Variants in FAF1 observed in about 807,000 individuals in gnomAD.
FAF1 encodes the protein Fas associated factor 1, also known as FAS-associated factor 1.
Under a neutral mutation model 92.5 loss-of-function variants are expected in FAF1, and 25 were observed. That is an observed-to-expected ratio of 0.27 (90% CI 0.20 to 0.38). The LOEUF (loss-of-function observed/expected upper bound fraction) is 0.38, where lower values mean the gene tolerates loss of function less well. Among genes scored for constraint, FAF1 ranks in the 10% least tolerant of loss-of-function variants. The probability of loss-of-function intolerance (pLI) is 1.00; values close to 1 mark genes in which losing one functional copy is unlikely to be tolerated. For missense variants in FAF1, 636 were observed against 793.3 expected, an observed-to-expected ratio of 0.80 and a Z score of 2.38; for synonymous variants, 234 against 273.2, an observed-to-expected ratio of 0.86 and a Z score of 1.42.
rs1646165731 is a variant in FAF1, at chr1:50,441,437, T to C, written c.*3A>G. 4 of 1,529,456 alleles carry C rather than the reference T, an allele frequency of 2.6e-6. No homozygotes were observed. The highest frequency in any genetic ancestry group is 3.5e-6 in the Non-Finnish European group (4 of 1,130,978). The allele number at this position is 1,529,456 out of a possible 1,614,324, so 94.7% of individuals were successfully genotyped here. A position where few individuals can be genotyped will look rare whatever the true frequency, so the allele number is the denominator to read the frequency against. On this transcript the variant is annotated 3_prime_UTR_variant, in exon 19 of 19. Coordinates refer to ENST00000396153, the MANE Select transcript of FAF1 (RefSeq NM_007051.3). ...AATGGCTGGTTCCACCGCTGGGCCGTGTTTACTCTTTTGCTTCAAGGAAAA... is the reference window on the plus strand; with the variant it reads ...AATGGCTGGTTCCACCGCTGGGCCGCGTTTACTCTTTTGCTTCAAGGAAAA...
chr1:50,729,160 A>T (rs1266345126), intron 6 of FAF1, among the ~76,000 whole-genome samples: 2 of 150,012 alleles, frequency 1.3e-5, no homozygotes, highest in Non-Finnish European at 3.0e-5. Context: ...GGTTCAAGTG[A>T]TTCTCCTGCC....
chr1:50,505,959 A>C (rs1289362511), intron 15 of FAF1, among the ~76,000 whole-genome samples: 2 of 152,242 alleles, frequency 1.3e-5, no homozygotes, highest in African/African-American at 2.4e-5. Flanking sequence ...TTACAAAAAA[A>C]TCAGAAGCTA....
chr1:50,586,864 A>C (rs1309534064), intron 9 of FAF1, among the ~76,000 whole-genome samples: 1 of 152,236 alleles, frequency 6.6e-6, no homozygotes, highest in East Asian at 1.9e-4. Flanking sequence ...AGTCTTAAAT[A>C]GGTAAAGGCT....
chr1:50,597,216 C>T (rs190123525), intron 8 of FAF1, among the ~76,000 whole-genome samples: 9 of 152,236 alleles, frequency 5.9e-5, no homozygotes, highest in East Asian at 1.9e-4. Flanking sequence ...AAATGTCCAG[C>T]GAAAAGGATG....
intron 7 of FAF1, among the ~76,000 whole-genome samples, chr1:50,678,551 G>A (rs1656256480): frequency 6.6e-6 from 1 of 152,040 alleles, no homozygotes; most frequent in Admixed American, 6.6e-5. Context: ...GGGAGGCCAA[G>A]GTGGTGGATC....
chr1:50,874,758 C>CTTTTTTTTTTTTT (rs755424291), intron 1 of FAF1, among the ~76,000 whole-genome samples: 3 of 67,226 alleles, frequency 4.5e-5, no homozygotes, highest in Admixed American at 2.1e-4. Flanking sequence ...TCTTTTCTTT[C>CTTTTTTTTTTTTT]TTTTTTTTTT....
At chr1:50,634,737 T>C (rs1439434216) in intron 8 of FAF1, among the ~76,000 whole-genome samples, 1 of 152,202 alleles carries the variant, frequency 6.6e-6, no homozygotes, top group African/African-American at 2.4e-5. Flanking sequence ...TTCAGTGCCA[T>C]GCTTAATATA....
At chr1:50,690,753 T>C (rs1656883848) in intron 7 of FAF1, among the ~76,000 whole-genome samples, 1 of 152,208 alleles carries the variant, frequency 6.6e-6, no homozygotes, top group African/African-American at 2.4e-5. Flanking sequence ...ATAGCAACCA[T>C]TAACTATTTT....
At chr1:50,805,623 G>T (rs1193466532) in intron 2 of FAF1, among the ~76,000 whole-genome samples, 5 of 152,070 alleles carry the variant, frequency 3.3e-5, no homozygotes, top group African/African-American at 1.2e-4. Flanking sequence ...ACAAAACAGT[G>T]GCATGTAATA....
chr1:50,944,173 A>G (rs1161924458), intron 1 of FAF1, among the ~76,000 whole-genome samples: 2 of 152,182 alleles, frequency 1.3e-5, no homozygotes, highest in Non-Finnish European at 2.9e-5. Flanking sequence ...CCTGGAGCCA[A>G]CCACTGCTGT....
intron 7 of FAF1, among the ~76,000 whole-genome samples, chr1:50,670,079 C>T (rs962543469): frequency 1.3e-5 from 2 of 150,248 alleles, no homozygotes; most frequent in Admixed American, 6.6e-5. Flanking sequence ...CGAGATTGCG[C>T]CATTGCACTC....
intron 1 of FAF1, among the ~76,000 whole-genome samples, chr1:50,890,425 G>C (rs919670412): frequency 2.6e-5 from 4 of 152,322 alleles, no homozygotes; most frequent in Admixed American, 2.6e-4. Flanking sequence ...TGGTGATTTT[G>C]CTCGTTAGTT....
At chr1:50,907,465 C>T (rs1368927789) in intron 1 of FAF1, among the ~76,000 whole-genome samples, 2 of 152,158 alleles carry the variant, frequency 1.3e-5, no homozygotes, top group Non-Finnish European at 2.9e-5. Flanking sequence ...GAACCAGCTC[C>T]TCCTTGTACC....
chr1:50,580,484 G>A (rs2149064691), intron 12 of FAF1, among the ~76,000 whole-genome samples: 1 of 151,768 alleles, frequency 6.6e-6, no homozygotes, highest in East Asian at 1.9e-4. Flanking sequence ...ATTATTAAAG[G>A]TAGGTATAGG....
At chr1:50,874,903 G>A (rs967893022) in intron 1 of FAF1, among the ~76,000 whole-genome samples, 2 of 150,832 alleles carry the variant, frequency 1.3e-5, no homozygotes, top group African/African-American at 2.4e-5. Context: ...TAATGTAGCT[G>A]AGACTACAGC....
chr1:50,794,978 G>A (rs1298969645), intron 3 of FAF1, among the ~76,000 whole-genome samples: 1 of 151,996 alleles, frequency 6.6e-6, no homozygotes, highest in Non-Finnish European at 1.5e-5. Flanking sequence ...TAAAGGCTAA[G>A]CAATTTAAAA....
At chr1:50,900,845 G>T (rs895454811) in intron 1 of FAF1, among the ~76,000 whole-genome samples, 2 of 151,852 alleles carry the variant, frequency 1.3e-5, no homozygotes, top group Non-Finnish European at 2.9e-5. Context: ...GTGTGTGTGG[G>T]TATACATATA....
At chr1:50,630,826 A>ATTTTTTTTTTTTTTTTTTT (rs1471050080) in intron 8 of FAF1, among the ~76,000 whole-genome samples, 1 of 125,336 alleles carries the variant, frequency 8.0e-6, no homozygotes, top group Non-Finnish European at 1.7e-5. Flanking sequence ...AGTGTATCAT[A>ATTTTTTTTTTTTTTTTTTT]TCTTTTTTTT....
chr1:50,759,550 A>T (rs1190003593), intron 4 of FAF1, among the ~76,000 whole-genome samples: 1 of 151,884 alleles, frequency 6.6e-6, no homozygotes, highest in Non-Finnish European at 1.5e-5. Flanking sequence ...CCAGTTTATC[A>T]TTGTTGGACA....
Sources: allele counts gnomAD v4.1 joint callset (sites outside exome capture counted in the v4.1 genomes callset), GRCh38; gene constraint gnomAD v4.1.1; transcripts MANE v1.5; gene names NCBI Gene and HGNC (gene_info 2026-07-23, HGNC 2026-07-21).